Variants in CATSPERT observed in about 807,000 individuals in gnomAD.
CATSPERT encodes the protein cation channel sperm-associated targeting subunit tau.
chr2:201,571,581 TCAGA>T, the CATSPERT span, among the ~76,000 whole-genome samples: 1 of 152,280 alleles, frequency 6.6e-6, no homozygotes, highest in South Asian at 2.1e-4. Context: ...CTGATAACTA[TCAGA>T]CAGTCTTATG....
the CATSPERT span, among the ~76,000 whole-genome samples, chr2:201,614,118 A>G: frequency 6.6e-6 from 1 of 152,252 alleles, no homozygotes; most frequent in Non-Finnish European, 1.5e-5. Flanking sequence ...GAATGGAATC[A>G]AGTTGGAAAA....
At chr2:201,537,402 T>C in the CATSPERT span, 66 of 1,509,148 alleles carry the variant, frequency 4.4e-5, no homozygotes, top group Non-Finnish European at 5.7e-5. Context: ...TATAAAATAA[T>C]GACTATTAAA....
chr2:201,588,008 C>T, the CATSPERT span, among the ~76,000 whole-genome samples: 1 of 152,076 alleles, frequency 6.6e-6, no homozygotes, highest in Admixed American at 6.6e-5. Context: ...TAATAAATAG[C>T]CTACCAACCA....
the CATSPERT span, among the ~76,000 whole-genome samples, chr2:201,530,965 T>G: frequency 7.5e-6 from 1 of 133,068 alleles, no homozygotes; most frequent in African/African-American, 2.6e-5. Flanking sequence ...TTGTGGGTTT[T>G]TTTTTTTTTT....
chr2:201,577,129 G>C, the CATSPERT span, among the ~76,000 whole-genome samples: 3 of 152,046 alleles, frequency 2.0e-5, no homozygotes, highest in Admixed American at 2.0e-4. Flanking sequence ...TTAAAATATT[G>C]TATAAAATTA....
At chr2:201,509,380 C>T in the CATSPERT span, among the ~76,000 whole-genome samples, 1 of 150,732 alleles carries the variant, frequency 6.6e-6, no homozygotes, top group Admixed American at 6.6e-5. Flanking sequence ...GGATATTAAC[C>T]CCTTATCAGA....
the CATSPERT span, among the ~76,000 whole-genome samples, chr2:201,515,392 G>A: frequency 2.0e-5 from 3 of 151,316 alleles, no homozygotes; most frequent in Non-Finnish European, 3.0e-5. Flanking sequence ...GTACCACCAC[G>A]CCTGGCTAAT....
the CATSPERT span, chr2:201,582,348 G>T: frequency 1.1e-6 from 1 of 880,334 alleles, no homozygotes; most frequent in Non-Finnish European, 1.6e-6. Flanking sequence ...ACTATATTAT[G>T]CAAATAAATA....
At chr2:201,515,236 T>TAG in the CATSPERT span, among the ~76,000 whole-genome samples, 7 of 78,838 alleles carry the variant, frequency 8.9e-5, no homozygotes, top group Non-Finnish European at 1.4e-4. Flanking sequence ...TTTTTTTTTT[T>TAG]TTTTTTTTTT....
At chr2:201,587,535 G>A in the CATSPERT span, among the ~76,000 whole-genome samples, 3 of 152,092 alleles carry the variant, frequency 2.0e-5, no homozygotes, top group African/African-American at 7.2e-5. Flanking sequence ...GTTTCTGATG[G>A]AGAGTCAGCT....
At chr2:201,506,113 A>G in the CATSPERT span, among the ~76,000 whole-genome samples, 1 of 152,104 alleles carries the variant, frequency 6.6e-6, no homozygotes, top group South Asian at 2.1e-4. Flanking sequence ...TAAAAATACA[A>G]AAAATTAGCT....
the CATSPERT span, among the ~76,000 whole-genome samples, chr2:201,581,595 C>CAT: frequency 0.056 from 996 of 17,770 alleles, 154 homozygotes; most frequent in East Asian, 0.37. Context: ...TATATATATA[C>CAT]ACATACATAT....
chr2:201,601,927 T>G, the CATSPERT span: 1 of 1,413,812 alleles, frequency 7.1e-7, no homozygotes, highest in African/African-American at 1.4e-5. Flanking sequence ...TTGTTGTAAT[T>G]GAACAATAAT....
At chr2:201,507,406 ACC>A in the CATSPERT span, among the ~76,000 whole-genome samples, 1 of 152,326 alleles carries the variant, frequency 6.6e-6, no homozygotes, top group East Asian at 1.9e-4. Flanking sequence ...ATCAAACTAT[ACC>A]AATCTATAAT....
At chr2:201,494,385 G>GT in the CATSPERT span, 1 of 1,537,296 alleles carries the variant, frequency 6.5e-7, no homozygotes, top group South Asian at 1.2e-5. Flanking sequence ...GGTGACATGT[G>GT]TTTGCCTGTA....
chr2:201,602,949 C>A, the CATSPERT span, among the ~76,000 whole-genome samples: 1 of 151,874 alleles, frequency 6.6e-6, no homozygotes, highest in Non-Finnish European at 1.5e-5. Flanking sequence ...TTTCAGCATC[C>A]CTGCTAAGTC....
the CATSPERT span, among the ~76,000 whole-genome samples, chr2:201,525,091 C>T: frequency 0.21 from 31,704 of 152,070 alleles, 4,091 homozygotes; most frequent in East Asian, 0.32. Flanking sequence ...GGGACCTAAA[C>T]TTGACATTTG....
At chr2:201,499,202 G>C in the CATSPERT span, among the ~76,000 whole-genome samples, 4 of 152,106 alleles carry the variant, frequency 2.6e-5, no homozygotes, top group Admixed American at 2.6e-4. Flanking sequence ...AGAACAAATG[G>C]AACTAACTCC....
the CATSPERT span, chr2:201,555,980 T>C: frequency 6.6e-6 from 1 of 152,192 alleles, no homozygotes; most frequent in Non-Finnish European, 1.5e-5. Context: ...TAGAAAATGC[T>C]TTATACATCT....
Sources: allele counts gnomAD v4.1 joint callset (sites outside exome capture counted in the v4.1 genomes callset), GRCh38; gene constraint gnomAD v4.1.1; transcripts MANE v1.5; gene names NCBI Gene and HGNC (gene_info 2026-07-23, HGNC 2026-07-21).